Variants in RPL3 observed in about 807,000 individuals in gnomAD.
RPL3 encodes the protein ribosomal protein L3.
In RPL3, 3 loss-of-function variants were observed where a neutral mutation model predicts 46.0. The ratio of observed to expected loss-of-function variants is 0.07; its 90% CI spans 0.03 to 0.17. RPL3 has a LOEUF of 0.17. RPL3 is among the 10% of genes least tolerant of loss of function. The pLI is 1.00. For synonymous variants in RPL3, 224 were observed against 190.8 expected, an observed-to-expected ratio of 1.17 and a Z score of -1.43; for missense variants, 387 against 532.7, an observed-to-expected ratio of 0.73 and a Z score of 2.69.
At chr22:39,318,770 T>A (rs1348967855) in intron 1 of RPL3, among the ~76,000 whole-genome samples, 178 bp from the exon 2 acceptor site, 1 of 152,228 alleles carries the variant, frequency 6.6e-6, no homozygotes, top group Non-Finnish European at 1.5e-5. Context: ...AATGCTTTTG[T>A]ATTCGACAAA....
Position 39,315,481 on chromosome 22 carries a change from C to T in RPL3, c.576G>A (p.Glu192=). 6.2e-7 allele frequency: 1 copy of T among 1,614,114 alleles called. No homozygotes were observed. The highest frequency in any genetic ancestry group is 1.3e-5 in the African/African-American group (1 of 75,052). The change falls in exon 5 of 10, where the codon GAG becomes GAA. Residue 192 remains glutamate (E), a synonymous_variant. Transcript: ENST00000216146. ...EIQVNGGTVA[E]KLDWARERLE... is the part of the protein sequence containing the mutation. ...GCCTCTCGCGGGCCCAGTCCAGCTT[C>T]TCGGCCACAGTGCCTCCGTTCACCT...
chr22:39,318,613 C>T lies in RPL3; in HGVS notation c.4-21G>A, dbSNP rs201176821. 7.6e-4 allele frequency: 1,211 copies of T among 1,584,742 alleles called. 2 individuals carry two copies. Among genetic ancestry groups the T allele is most frequent in the South Asian group, 2.6e-3 (232 of 88,348 alleles). ...TGAGACTAGGTGGGAAAAAAATCAC[C>T]GTCAGCACCCAAACCAAAGCAGTGC... On this transcript the variant is annotated intron_variant, in intron 1 of 9. Coordinates refer to ENST00000216146, the MANE Select transcript of RPL3 (RefSeq NM_000967.4).
chr22:39,313,821 T>A (rs181992320), intron 7 of RPL3, 92 bp from the exon 8 acceptor site: 3 of 1,187,006 alleles, frequency 2.5e-6, no homozygotes, highest in African/African-American at 1.5e-5. Flanking sequence ...ACCACAGGGC[T>A]GTTCTCAGAA....
intron 5 of RPL3, chr22:39,315,138 A>T: frequency 1.2e-6 from 1 of 806,004 alleles, no homozygotes. Context: ...TAGGCTACAA[A>T]GAGCAAAGGG....
Position 39,312,933 on chromosome 22 carries a change from C to T in RPL3, c.*7G>A. The T allele has an allele frequency of 6.2e-7, 1 of 1,614,168 alleles. No individual in the cohort carries two copies. The highest frequency in any genetic ancestry group is 8.5e-7 in the Non-Finnish European group (1 of 1,179,978). ...GACCCCACCAACTGCAAAATCTGTT[C>T]CTGGCATTAAGCTCCTTCTTCCTTT... On this transcript the variant is annotated 3_prime_UTR_variant, in exon 10 of 10. Coordinates refer to ENST00000216146, the MANE Select transcript of RPL3 (RefSeq NM_000967.4).
At chr22:39,316,505 C>A (rs1014228597) in intron 4 of RPL3, among the ~76,000 whole-genome samples, 5 of 152,320 alleles carry the variant, frequency 3.3e-5, no homozygotes, top group Non-Finnish European at 5.9e-5. Context: ...GACTTTCAGG[C>A]AGGCATTTCA....
chr22:39,316,100 G>A (rs1160468624), intron 4 of RPL3, among the ~76,000 whole-genome samples: 4 of 152,162 alleles, frequency 2.6e-5, no homozygotes, highest in South Asian at 4.1e-4. Context: ...TTAGTAGGGC[G>A]TGGTGGCGCA....
At chr22:39,317,733 G>A (rs1922795148) in intron 2 of RPL3, 104 bp from the exon 3 acceptor site, 2 of 1,316,964 alleles carry the variant, frequency 1.5e-6, no homozygotes, top group African/African-American at 2.9e-5. Context: ...AGGGCAACTG[G>A]GCCCCACACC....
intron 2 of RPL3, 90 bp from the exon 3 acceptor site, chr22:39,317,719 C>A: frequency 6.7e-7 from 1 of 1,485,946 alleles, no homozygotes; most frequent in South Asian, 1.2e-5. Flanking sequence ...CCATTTAGGC[C>A]GGAAGGGCAA....
rs1922785952 is a variant in RPL3 at position 39,317,602 on chromosome 22, G to A, written c.224C>T (p.Ala75Val). The A allele has an allele frequency of 1.2e-6, 2 of 1,613,786 alleles. No individual in the cohort carries two copies. Among genetic ancestry groups the A allele is most frequent in the Admixed American group, 1.7e-5 (1 of 59,982 alleles). Residue 75 changes from alanine to valine, a missense_variant, in exon 3 of 10, where the codon GCT (alanine) becomes GTT (valine). Around this residue, in one of 5 missense-constraint regions of RPL3, gnomAD observed 196 missense variants for 217.5 expected, o/e 0.90. Coordinates refer to ENST00000216146, the MANE Select transcript of RPL3 (RefSeq NM_000967.4). ...GGGTGGTGTCTCTACAATGGTCACA[G>A]CCTCCACCACCTCCTTCTTGTTCAC... ...SKVNKKEVVE[A>V]VTIVETPPMV...
chr22:39,318,764 CT>C (rs920260113), intron 1 of RPL3, 172 bp from the exon 2 acceptor site: 36 of 617,112 alleles, frequency 5.8e-5, no homozygotes, highest in Non-Finnish European at 8.4e-5. Context: ...GTCAAGAATG[CT>C]TTTGTATTCG....
Position 39,319,481 on chromosome 22 carries a change from C to G in RPL3, c.3+114G>C, listed in dbSNP as rs770231844. On this transcript the variant is annotated intron_variant, in intron 1 of 9. Transcript: ENST00000216146. ...AGACTGAAGTCCCCGCTGGGTCGCC[C>G]GTGCCCCTAAAGCAAACCCCCGGCG... The G allele has an allele frequency of 2.1e-6, 3 of 1,414,484 alleles. No homozygotes were observed. The African/African-American group carries it at 4.3e-5, about 20-fold the overall frequency. 87.6% of individuals were successfully genotyped at this position (1,414,484 alleles called of 1,614,324 possible).
chr22:39,319,622 A>G lies in RPL3; in HGVS notation c.-25T>C, dbSNP rs1310226244. ...TCACGCCATCAAATCCCGCCGGTAG[A>G]GGCCGGTCGGCCTTACGGGTCCGCT... On this transcript the variant is annotated 5_prime_UTR_variant, in exon 1 of 10. Transcript: ENST00000216146. The G allele has an allele frequency of 1.3e-6, 2 of 1,548,796 alleles. No homozygotes were observed. Among genetic ancestry groups the G allele is most frequent in the Admixed American group, 1.9e-5 (1 of 52,682 alleles).
intron 2 of RPL3, chr22:39,318,162 T>C (rs887237897): frequency 4.0e-6 from 2 of 500,010 alleles, no homozygotes; most frequent in South Asian, 2.6e-5. Flanking sequence ...GCAAATTTAC[T>C]ATGCTCTGAA....
Position 39,319,621 on chromosome 22 carries a change from G to A in RPL3, c.-24C>T, listed in dbSNP as rs377740217. On this transcript the variant is annotated 5_prime_UTR_variant, in exon 1 of 10. Coordinates refer to ENST00000216146, the MANE Select transcript of RPL3 (RefSeq NM_000967.4). ...ATCACGCCATCAAATCCCGCCGGTA[G>A]AGGCCGGTCGGCCTTACGGGTCCGC... is the stretch of plus-strand genomic sequence containing the variant. 4.2e-4 allele frequency: 644 copies of A among 1,549,072 alleles called. 1 individual carries two copies. The highest frequency in any genetic ancestry group is 2.2e-3 in the Middle Eastern group (13 of 5,950).
At chr22:39,319,152 G>C (rs753527897) in intron 1 of RPL3, 1 of 542,968 alleles carries the variant, frequency 1.8e-6, no homozygotes, top group African/African-American at 1.9e-5. Context: ...GTGCACCAGC[G>C]GCCCCAGATA....
intron 4 of RPL3, 55 bp from the exon 5 acceptor site, chr22:39,315,610 G>T: frequency 6.3e-7 from 1 of 1,599,824 alleles, no homozygotes; most frequent in Non-Finnish European, 8.6e-7. Flanking sequence ...TCCCACAGCA[G>T]AGGAACTGCA....
At position 39,315,098 on chromosome 22, in the gene RPL3, T is replaced by A. The variant is rs1223879406; in HGVS notation, c.689-252A>T. On this transcript the variant is annotated intron_variant, in intron 5 of 9. Coordinates refer to ENST00000216146, the MANE Select transcript of RPL3 (RefSeq NM_000967.4). ...CCCCATTCACAGGGACTGACTAACATAATTCCAAGCTCCCCTTTGCAGTTA... is the reference window on the plus strand; with the variant it reads ...CCCCATTCACAGGGACTGACTAACAAAATTCCAAGCTCCCCTTTGCAGTTA... 18 of 729,904 alleles carry A rather than the reference T, an allele frequency of 2.5e-5. No homozygotes were observed. In the Admixed American group the frequency reaches 3.8e-4, roughly 15 times the overall value. The allele number at this position is 729,904 out of a possible 1,614,324, so 45.2% of individuals were successfully genotyped here.
Position 39,318,541 on chromosome 22 carries a change from G to C in RPL3, c.55C>G (p.Arg19Gly), listed in dbSNP as rs1328546171. The change falls in exon 2 of 10, where the codon CGG becomes GGG. Residue 19 changes from arginine to glycine, a missense_variant. Around this residue, in one of 5 missense-constraint regions of RPL3, gnomAD observed 8 missense variants for 23.8 expected, o/e 0.34. Coordinates refer to ENST00000216146, the MANE Select transcript of RPL3 (RefSeq NM_000967.4). ...PRHGSLGFLP[R>G]KRSSRHRGKV... ...CCACGATGCCTGCTGCTGCGCTTCC[G>C]AGGCAGGAAGCCGAGGGACCCATGT... is the stretch of plus-strand genomic sequence containing the variant. 1.2e-6 allele frequency: 2 copies of C among 1,613,382 alleles called. No homozygotes were observed. The highest frequency in any genetic ancestry group is 1.7e-5 in the Admixed American group (1 of 59,892).
Sources: allele counts gnomAD v4.1 joint callset (sites outside exome capture counted in the v4.1 genomes callset), GRCh38; gene constraint gnomAD v4.1.1; regional missense constraint gnomAD v4.1.1; transcripts MANE v1.5; gene names NCBI Gene and HGNC (gene_info 2026-07-23, HGNC 2026-07-21).